The following CDH4 variants were observed in gnomAD, a reference collection of about 807,000 sequenced individuals.
The protein encoded by CDH4 is cadherin-4.
In CDH4, 33 loss-of-function variants were observed where a neutral mutation model predicts 86.0. The ratio of observed to expected loss-of-function variants is 0.38; its 90% CI spans 0.29 to 0.51. The LOEUF (loss-of-function observed/expected upper bound fraction) is 0.51. Ranked by LOEUF, CDH4 falls within the 20% of genes least tolerant of loss-of-function variation. The pLI is 0.86. For missense variants in CDH4, 1,114 were observed against 1,307.4 expected (o/e 0.85, Z 2.28); for synonymous variants, 555 against 549.4 (o/e 1.01, Z -0.14).
At chr20:61,821,634 C>T (rs1327110796) in intron 4 of CDH4, among the ~76,000 whole-genome samples, 2 of 152,264 alleles carry the variant, frequency 1.3e-5, no homozygotes, top group African/African-American at 4.8e-5. Flanking sequence ...GAGATGTCAC[C>T]TCAGCCAAAA....
intron 2 of CDH4, among the ~76,000 whole-genome samples, chr20:61,587,899 C>A (rs1013057633): frequency 6.6e-6 from 1 of 152,180 alleles, no homozygotes; most frequent in Non-Finnish European, 1.5e-5. Flanking sequence ...CCCGCCCAGG[C>A]CCCACGTTAA....
chr20:61,695,995 T>C (rs997283693), intron 2 of CDH4, among the ~76,000 whole-genome samples: 4 of 152,086 alleles, frequency 2.6e-5, no homozygotes, highest in African/African-American at 9.7e-5. Flanking sequence ...ATGAGGCCCC[T>C]CCTCCTCCAG....
intron 2 of CDH4, among the ~76,000 whole-genome samples, chr20:61,609,128 G>A (rs1485136589): frequency 6.6e-6 from 1 of 152,198 alleles, no homozygotes; most frequent in African/African-American, 2.4e-5. Flanking sequence ...TACGAATGTG[G>A]CATAACATTA....
At chr20:61,313,952 T>G (rs749106658) in intron 2 of CDH4, among the ~76,000 whole-genome samples, 10 of 152,248 alleles carry the variant, frequency 6.6e-5, no homozygotes, top group Non-Finnish European at 1.5e-4. Flanking sequence ...CCAGGCTGCT[T>G]TCAAACTCCT....
chr20:61,808,197 C>T (rs1319423853), intron 4 of CDH4, among the ~76,000 whole-genome samples: 1 of 151,972 alleles, frequency 6.6e-6, no homozygotes, highest in Non-Finnish European at 1.5e-5. Flanking sequence ...AGCTGCAAGC[C>T]CCACCCCAGC....
chr20:61,400,837 C>T (rs4925271), intron 2 of CDH4, among the ~76,000 whole-genome samples: 76,579 of 152,152 alleles, frequency 0.5, 20,327 homozygotes, highest in African/African-American at 0.67. Context: ...CTATTTCCAC[C>T]GGCCCTGCCC....
At chr20:61,752,814 G>A (rs6142849) in intron 3 of CDH4, among the ~76,000 whole-genome samples, 13,603 of 152,218 alleles carry the variant, frequency 0.089, 688 homozygotes, top group African/African-American at 0.1. Context: ...GCACTCCCAT[G>A]AAGTCCAAAT....
intron 9 of CDH4, among the ~76,000 whole-genome samples, chr20:61,922,644 C>CA (rs1474559535): frequency 5.3e-5 from 8 of 152,238 alleles, no homozygotes; most frequent in African/African-American, 1.9e-4. Context: ...GAGGAGAACC[C>CA]ACTGCCTGCC....
At chr20:61,562,244 G>A (rs2086223227) in intron 2 of CDH4, among the ~76,000 whole-genome samples, 2 of 71,174 alleles carry the variant, frequency 2.8e-5, no homozygotes, top group African/African-American at 1.5e-4. Flanking sequence ...GGACCCCAGG[G>A]CTCCCGGAGA....
At chr20:61,508,439 C>T (rs2085757340) in intron 2 of CDH4, among the ~76,000 whole-genome samples, 1 of 152,176 alleles carries the variant, frequency 6.6e-6, no homozygotes, top group Non-Finnish European at 1.5e-5. Flanking sequence ...TTGCGGTCGG[C>T]CCTGAGCTCA....
rs1332884492 is a variant in CDH4, at chr20:61,392,999, G to A, written c.169+138062G>A. On this transcript the variant is annotated intron_variant, in intron 2 of 15. Coordinates refer to ENST00000614565, the MANE Select transcript of CDH4 (RefSeq NM_001794.5). The surrounding 1 kb of genome is among the most constrained non-coding windows in gnomAD (Gnocchi z 5.7). ...TTGAGCACATGCCTTGTCGCTCAGGGCTTGACGGGATAGAAAACGTGAGGA... is the reference window on the plus strand; with the variant it reads ...TTGAGCACATGCCTTGTCGCTCAGGACTTGACGGGATAGAAAACGTGAGGA... Among the ~76,000 whole-genome samples, 1 of 152,148 alleles carries A rather than the reference G, an allele frequency of 6.6e-6. No individual in the cohort carries two copies. Among genetic ancestry groups the A allele is most frequent in the Non-Finnish European group, 1.5e-5 (1 of 68,022 alleles).
intron 2 of CDH4, among the ~76,000 whole-genome samples, chr20:61,374,027 T>G (rs1186451425): frequency 6.6e-6 from 1 of 151,960 alleles, no homozygotes; most frequent in East Asian, 1.9e-4. Context: ...TGTGGAGGGT[T>G]TAGCGATACA....
intron 7 of CDH4, among the ~76,000 whole-genome samples, chr20:61,877,579 C>T (rs530216268): frequency 1.3e-5 from 2 of 152,120 alleles, no homozygotes; most frequent in African/African-American, 2.4e-5. Flanking sequence ...CGGGAGGCCC[C>T]GTCTGGTGCA....
At position 61,527,901 on chromosome 20, in the gene CDH4, C is replaced by T. The variant is rs188268136; in HGVS notation, c.170-215662C>T. 1.6e-4 allele frequency among the ~76,000 whole-genome samples: 25 copies of T among 152,234 alleles called. No homozygotes were observed. The East Asian group carries it at 4.7e-3, about 28-fold the overall frequency. On this transcript the variant is annotated intron_variant, in intron 2 of 15. Coordinates refer to ENST00000614565, the MANE Select transcript of CDH4 (RefSeq NM_001794.5). ...GTTCCCAGAACCCGGGGCACCGGCGCTCACCCTTTCCGCATCTTGCTCTGG... is the reference window on the plus strand; with the variant it reads ...GTTCCCAGAACCCGGGGCACCGGCGTTCACCCTTTCCGCATCTTGCTCTGG...
rs1023587595 is a variant in CDH4 at position 61,661,091 on chromosome 20, G to T, written c.170-82472G>T. Among the ~76,000 whole-genome samples the T allele has an allele frequency of 2.8e-5, 4 of 144,054 alleles. No individual in the cohort carries two copies. In the South Asian group the frequency reaches 6.8e-4, roughly 25 times the overall value. 94.5% of individuals were successfully genotyped at this position (144,054 alleles called of 152,430 possible). On this transcript the variant is annotated intron_variant, in intron 2 of 15. Coordinates refer to ENST00000614565, the MANE Select transcript of CDH4 (RefSeq NM_001794.5). ...CATGGACAGGAGGCATGGCGGGGGG[G>T]GGGGAGACACAGTGCCAGGCTCATG... is the stretch of plus-strand genomic sequence containing the variant.
chr20:61,733,829 G>A (rs1170283848), intron 2 of CDH4, among the ~76,000 whole-genome samples: 7 of 152,306 alleles, frequency 4.6e-5, no homozygotes, highest in Non-Finnish European at 4.4e-5. Context: ...CTCACCTCTG[G>A]CTCATTTGAT....
intron 2 of CDH4, among the ~76,000 whole-genome samples, chr20:61,416,423 C>T (rs893728466): frequency 2.0e-5 from 3 of 152,196 alleles, no homozygotes; most frequent in African/African-American, 7.2e-5. Flanking sequence ...ATTTACATTC[C>T]CACAGCAGTT....
chr20:61,257,133 G>A (rs2123114201), intron 2 of CDH4, among the ~76,000 whole-genome samples: 1 of 152,320 alleles, frequency 6.6e-6, no homozygotes, highest in East Asian at 1.9e-4. Flanking sequence ...AGCGGAGAGA[G>A]CTTAACCTTA....
In CDH4 at chr20:61,910,550, G is replaced by A; in HGVS notation, c.1317G>A (p.Gly439=). ...VYRIISGDPS[G]HFSVRTDPVT... ...GCATCATCAGTGGGGATCCATCCGGGCACTTCAGCGTCCGCACAGACCCCG... is the reference window on the plus strand; with the variant it reads ...GCATCATCAGTGGGGATCCATCCGGACACTTCAGCGTCCGCACAGACCCCG... The change falls in exon 9 of 16, where the codon GGG becomes GGA. Residue 439 remains glycine, a synonymous_variant. Transcript: ENST00000614565. 1.2e-6 allele frequency: 2 copies of A among 1,613,924 alleles called. No homozygotes were observed. The highest frequency in any genetic ancestry group is 1.1e-5 in the South Asian group (1 of 91,088).
Sources: allele counts gnomAD v4.1 joint callset (sites outside exome capture counted in the v4.1 genomes callset), GRCh38; gene constraint gnomAD v4.1.1; non-coding constraint Gnocchi (gnomAD v3.1); transcripts MANE v1.5; gene names NCBI Gene and HGNC (gene_info 2026-07-23, HGNC 2026-07-21).